Variants in MLLT3 observed in about 807,000 individuals in gnomAD.
MLLT3 encodes MLLT3 super elongation complex subunit.
In MLLT3, 4 loss-of-function variants were observed where a neutral mutation model predicts 53.2. The observed-to-expected ratio is 0.08, with a 90% CI of 0.04 to 0.17. The LOEUF (loss-of-function observed/expected upper bound fraction) is 0.17. Ranked by LOEUF, MLLT3 falls within the 10% of genes least tolerant of loss-of-function variation. MLLT3 has a pLI of 1.00. For missense variants in MLLT3, 569 were observed against 684.0 expected (o/e 0.83, Z 1.87); for synonymous variants, 283 against 230.6 (o/e 1.23, Z -2.06).
chr9:20,485,321 A>C (rs898256826), intron 2 of MLLT3, among the ~76,000 whole-genome samples: 3 of 152,146 alleles, frequency 2.0e-5, no homozygotes, highest in Non-Finnish European at 4.4e-5. Flanking sequence ...TTAAAGCAAG[A>C]GCATATTCAA....
At chr9:20,523,415 C>T (rs1818118068) in intron 2 of MLLT3, among the ~76,000 whole-genome samples, 1 of 152,186 alleles carries the variant, frequency 6.6e-6, no homozygotes, top group Admixed American at 6.5e-5. Context: ...CAAAAACCTA[C>T]ACATGGATGT....
At chr9:20,472,855 A>C (rs1470094371) in intron 2 of MLLT3, among the ~76,000 whole-genome samples, 2 of 152,018 alleles carry the variant, frequency 1.3e-5, no homozygotes, top group Non-Finnish European at 2.9e-5. Context: ...ACTCCCAAAG[A>C]AACTTCAACT....
intron 2 of MLLT3, among the ~76,000 whole-genome samples, chr9:20,577,689 AAG>A (rs553698792): frequency 2.0e-5 from 3 of 152,314 alleles, no homozygotes; most frequent in African/African-American, 7.2e-5. Flanking sequence ...ACAGATTCGA[AAG>A]GTAGAAATAA....
At chr9:20,565,986 A>G (rs1382800319) in intron 2 of MLLT3, among the ~76,000 whole-genome samples, 14 of 51,672 alleles carry the variant, frequency 2.7e-4, no homozygotes, top group African/African-American at 9.7e-4. Flanking sequence ...ATATATATTT[A>G]TTTATATATT....
intron 4 of MLLT3, among the ~76,000 whole-genome samples, chr9:20,442,975 C>A (rs1823592117): frequency 6.6e-6 from 1 of 152,064 alleles, no homozygotes. Flanking sequence ...CTATAGAAAC[C>A]CTAGTTTTAA....
intron 2 of MLLT3, among the ~76,000 whole-genome samples, chr9:20,463,712 T>A (rs1824168078): frequency 6.6e-6 from 1 of 152,128 alleles, no homozygotes; most frequent in Non-Finnish European, 1.5e-5. Context: ...CAGAGAAGGT[T>A]CAACCTAGAA....
At chr9:20,457,169 T>C (rs903733179) in intron 2 of MLLT3, among the ~76,000 whole-genome samples, 4 of 151,424 alleles carry the variant, frequency 2.6e-5, no homozygotes, top group Admixed American at 1.3e-4. Context: ...ATTATCTGCA[T>C]CTAGTCTTTG....
At chr9:20,439,297 A>T (rs1458679128) in intron 4 of MLLT3, among the ~76,000 whole-genome samples, 9 of 152,150 alleles carry the variant, frequency 5.9e-5, no homozygotes, top group Non-Finnish European at 1.3e-4. Flanking sequence ...CAGAGGCTGC[A>T]GTTATCCGCG....
At chr9:20,495,321 G>A (rs997465330) in intron 2 of MLLT3, among the ~76,000 whole-genome samples, 1 of 152,124 alleles carries the variant, frequency 6.6e-6, no homozygotes, top group African/African-American at 2.4e-5. Flanking sequence ...TCCCCACTGC[G>A]ACCTACTGAA....
intron 4 of MLLT3, among the ~76,000 whole-genome samples, chr9:20,415,214 C>A (rs528296679): frequency 6.6e-6 from 1 of 152,212 alleles, no homozygotes; most frequent in Admixed American, 6.5e-5. Flanking sequence ...CTCTCACCCA[C>A]TAGGAAAAAT....
chr9:20,433,255 A>T (rs1410842925), intron 4 of MLLT3, among the ~76,000 whole-genome samples: 1 of 152,196 alleles, frequency 6.6e-6, no homozygotes, highest in African/African-American at 2.4e-5. Flanking sequence ...GAAAAAGGTT[A>T]AAAAGTATGC....
chr9:20,566,065 T>TA (rs1819369090), intron 2 of MLLT3, among the ~76,000 whole-genome samples: 1 of 64,706 alleles, frequency 1.5e-5, no homozygotes, highest in African/African-American at 3.7e-5. Flanking sequence ...TATATATATA[T>TA]TTGTGTATAT....
rs1164139417 is a variant in MLLT3, at chr9:20,363,501, T to C, written c.1306A>G (p.Asn436Asp). ...DNDSEMERPV[N>D]RGGSRSRRVS... ...CTGCGACTTCGGCTGCCTCCTCTAT[T>C]TACAGGCCTCTCCATTTCAGAGTCA... Residue 436 changes from asparagine to aspartate, a missense_variant, in exon 7 of 11, where the codon AAT (asparagine) becomes GAT (aspartate). Physicochemically the swap from Asn to Asp is conservative, Grantham distance 23. Transcript: ENST00000380338. The C allele has an allele frequency of 6.2e-7, 1 of 1,614,028 alleles. No individual in the cohort carries two copies. The highest frequency in any genetic ancestry group is 1.7e-5 in the Admixed American group (1 of 60,012).
rs895434752 is a variant in MLLT3, at chr9:20,575,640, T to C, written c.193+45014A>G. ...TCGAGCTCTTGGGTGATGAGGTGCA[T>C]TGTCAATGAGCAGTAATATTTTGAA... On this transcript the variant is annotated intron_variant, in intron 2 of 10. Coordinates refer to ENST00000380338, the MANE Select transcript of MLLT3 (RefSeq NM_004529.4). 2.0e-5 allele frequency among the ~76,000 whole-genome samples: 3 copies of C among 152,152 alleles called. No individual in the cohort carries two copies. In the South Asian group the frequency reaches 6.2e-4, roughly 32 times the overall value.
intron 5 of MLLT3, among the ~76,000 whole-genome samples, chr9:20,401,334 T>C (rs1396703986): frequency 2.0e-5 from 3 of 152,196 alleles, no homozygotes; most frequent in African/African-American, 4.8e-5. Context: ...ATGGAATATA[T>C]ATTTACCTAA....
chr9:20,529,331 C>CGTG (rs2118992877), intron 2 of MLLT3, among the ~76,000 whole-genome samples: 2 of 152,284 alleles, frequency 1.3e-5, no homozygotes, highest in Non-Finnish European at 2.9e-5. Context: ...ATGCAACCAC[C>CGTG]TCTTCTCGTT....
rs914325869 is a variant in MLLT3, at chr9:20,621,822, C to G, written c.12+423G>C. 2 of 1,427,730 alleles carry G rather than the reference C, an allele frequency of 1.4e-6. No individual in the cohort carries two copies. The highest frequency in any genetic ancestry group is 1.8e-6 in the Non-Finnish European group (2 of 1,102,884). 88.4% of individuals were successfully genotyped at this position (1,427,730 alleles called of 1,614,324 possible). ...CGGAGGTGCGGCCGCCGAGGCTGCTCGCCGCGTCCCCGGACTGTGCCCGCA... is the reference window on the plus strand; with the variant it reads ...CGGAGGTGCGGCCGCCGAGGCTGCTGGCCGCGTCCCCGGACTGTGCCCGCA... On this transcript the variant is annotated intron_variant, in intron 1 of 10. Transcript: ENST00000380338. This position sits in a 1 kb window ranked among gnomAD's most constrained non-coding sequence, Gnocchi z 7.0.
intron 5 of MLLT3, among the ~76,000 whole-genome samples, chr9:20,397,056 T>A (rs1822338346): frequency 6.6e-6 from 1 of 152,166 alleles, no homozygotes; most frequent in South Asian, 2.1e-4. Flanking sequence ...GTCTGAAAAA[T>A]CTTTCTTAGA....
intron 4 of MLLT3, among the ~76,000 whole-genome samples, chr9:20,441,734 A>T (rs1304267189): frequency 6.6e-6 from 1 of 152,172 alleles, no homozygotes; most frequent in African/African-American, 2.4e-5. Flanking sequence ...ATTCCAAAAC[A>T]AATATCCAAA....
Sources: gnomAD v4.1 joint callset for allele counts (sites outside exome capture counted in the v4.1 genomes callset) on GRCh38, gnomAD v4.1.1 for gene constraint, Gnocchi (gnomAD v3.1) non-coding constraint, MANE v1.5 for transcripts, NCBI Gene and HGNC (gene_info 2026-07-23, HGNC 2026-07-21) for gene names.